Variants in MSH3 observed in about 807,000 individuals in gnomAD.
The protein encoded by MSH3 is mutS homolog 3.
In MSH3, 106 loss-of-function variants were observed where a neutral mutation model predicts 123.3. That is an observed-to-expected ratio of 0.86 (90% CI 0.73 to 1.01). The LOEUF (loss-of-function observed/expected upper bound fraction) is 1.01. MSH3 is among the 50% of genes least tolerant of loss of function. The probability of loss-of-function intolerance (pLI) is 0.00; values close to 1 mark genes in which losing one functional copy is unlikely to be tolerated. For synonymous variants in MSH3, 515 were observed against 481.4 expected (o/e 1.07, Z -0.91); for missense variants, 1,459 against 1,347.6 (o/e 1.08, Z -1.29).
At chr5:80,769,403 G>A (rs1744178199) in intron 15 of MSH3, among the ~76,000 whole-genome samples, 1 of 151,780 alleles carries the variant, frequency 6.6e-6, no homozygotes. Flanking sequence ...TAAACGGTGG[G>A]GCTTCCTCCT....
chr5:80,858,092 T>A (rs550453696), intron 21 of MSH3, among the ~76,000 whole-genome samples: 5 of 152,196 alleles, frequency 3.3e-5, no homozygotes, highest in Non-Finnish European at 7.3e-5. Context: ...TTACCCAGGC[T>A]GGACTGCAGT....
At chr5:80,864,097 T>A (rs929255506) in intron 21 of MSH3, among the ~76,000 whole-genome samples, 11 of 152,112 alleles carry the variant, frequency 7.2e-5, no homozygotes, top group Non-Finnish European at 1.5e-4. Flanking sequence ...TGTCTCATAA[T>A]GTTGTGCCGG....
chr5:80,767,040 T>C (rs1744135419), intron 13 of MSH3, among the ~76,000 whole-genome samples: 1 of 152,202 alleles, frequency 6.6e-6, no homozygotes, highest in African/African-American at 2.4e-5. Flanking sequence ...GTTGAAATTA[T>C]GGAGTTCTAT....
At chr5:80,672,897 C>G (rs757003720) in intron 6 of MSH3, 39 bp downstream of exon 6, 26 of 1,453,776 alleles carry the variant, frequency 1.8e-5, no homozygotes, top group Non-Finnish European at 2.4e-5. Context: ...TTAAATGATA[C>G]AAGGGCTTTG....
chr5:80,740,109 G>A (rs1458853844), intron 10 of MSH3, among the ~76,000 whole-genome samples: 1 of 149,930 alleles, frequency 6.7e-6, no homozygotes, highest in African/African-American at 2.5e-5. Flanking sequence ...GCTGATAAAG[G>A]ATATTGAATT....
chr5:80,776,694 T>C (rs2112890885), intron 16 of MSH3, among the ~76,000 whole-genome samples: 1 of 152,012 alleles, frequency 6.6e-6, no homozygotes, highest in East Asian at 1.9e-4. Context: ...TAGTATCTTT[T>C]GTGGAATATT....
chr5:80,662,840 A>AATTT lies in MSH3; in HGVS notation c.359-2303_359-2302insATTT, dbSNP rs34563417. On this transcript the variant is annotated intron_variant, in intron 2 of 23. Transcript: ENST00000265081. ...AGACTCTGTCTCAAAAAAAAAAAAA[A>AATTT]TTTTATTTGGGAAGCAAGAATTGCA... Among the ~76,000 whole-genome samples, 1,069 of 149,538 alleles carry AATTT rather than the reference A, an allele frequency of 7.1e-3. 9 individuals are homozygous for AATTT. Among genetic ancestry groups the AATTT allele is most frequent in the African/African-American group, 0.016 (664 of 40,274 alleles).
chr5:80,684,604 T>C (rs77053153), intron 8 of MSH3, among the ~76,000 whole-genome samples: 11,538 of 152,224 alleles, frequency 0.076, 848 homozygotes, highest in East Asian at 0.33. Context: ...AAATGTAAGT[T>C]CATCTCATCT....
At chr5:80,790,873 A>G (rs1009237021) in intron 18 of MSH3, among the ~76,000 whole-genome samples, 2 of 152,226 alleles carry the variant, frequency 1.3e-5, no homozygotes, top group African/African-American at 4.8e-5. Flanking sequence ...CTGCATATTC[A>G]TGGTGATGGT....
chr5:80,791,347 A>G (rs1199989606), intron 18 of MSH3, among the ~76,000 whole-genome samples: 2 of 152,224 alleles, frequency 1.3e-5, no homozygotes, highest in African/African-American at 4.8e-5. Flanking sequence ...TTCTTCAAGT[A>G]TTTGCATTTT....
At chr5:80,750,934 G>A (rs1743823474) in intron 12 of MSH3, among the ~76,000 whole-genome samples, 1 of 152,066 alleles carries the variant, frequency 6.6e-6, no homozygotes, top group African/African-American at 2.4e-5. Flanking sequence ...AATATCTTCG[G>A]AGAGGTTTTA....
intron 19 of MSH3, among the ~76,000 whole-genome samples, chr5:80,806,179 A>G (rs1039061411): frequency 6.6e-6 from 1 of 151,980 alleles, no homozygotes; most frequent in African/African-American, 2.4e-5. Flanking sequence ...GCTCACAGCA[A>G]CCTCCGCCTC....
intron 15 of MSH3, among the ~76,000 whole-genome samples, chr5:80,770,384 A>G (rs1580036621): frequency 6.6e-6 from 1 of 152,220 alleles, no homozygotes; most frequent in East Asian, 1.9e-4. Context: ...ATGGAGACCA[A>G]TTAAGTTAAA....
chr5:80,870,331 TAG>T (rs1310402877), intron 22 of MSH3, among the ~76,000 whole-genome samples: 1 of 152,166 alleles, frequency 6.6e-6, no homozygotes, highest in Non-Finnish European at 1.5e-5. Flanking sequence ...GCATGGGATC[TAG>T]ATTATATTGG....
At chr5:80,872,082 G>A (rs1251767014) in intron 22 of MSH3, among the ~76,000 whole-genome samples, 2 of 152,178 alleles carry the variant, frequency 1.3e-5, no homozygotes, top group African/African-American at 2.4e-5. Flanking sequence ...GGTATGTATA[G>A]CTCTTAGTTA....
intron 13 of MSH3, among the ~76,000 whole-genome samples, chr5:80,767,430 C>T (rs1000890859): frequency 2.6e-5 from 4 of 152,046 alleles, no homozygotes. Flanking sequence ...AAATGCTATC[C>T]TATATTTCTA....
intron 19 of MSH3, among the ~76,000 whole-genome samples, chr5:80,810,172 C>CATACATATATATATATATATATATAT (rs375421949): frequency 3.3e-5 from 4 of 121,590 alleles, no homozygotes; most frequent in South Asian, 3.0e-4. Context: ...GTTTGACATA[C>CATACATATATATATATATATATATAT]ATATATATAT....
intron 20 of MSH3, among the ~76,000 whole-genome samples, chr5:80,814,237 A>G (rs1745061550): frequency 6.6e-6 from 1 of 151,892 alleles, no homozygotes; most frequent in Admixed American, 6.6e-5. Context: ...ATAGCTTCCA[A>G]ATTATTTTTA....
At chr5:80,745,095 A>G (rs1743691003) in intron 12 of MSH3, among the ~76,000 whole-genome samples, 1 of 152,220 alleles carries the variant, frequency 6.6e-6, no homozygotes, top group Admixed American at 6.5e-5. Context: ...AATGCTTAGA[A>G]GAGTAGAGTG....
Sources: allele counts gnomAD v4.1 joint callset (sites outside exome capture counted in the v4.1 genomes callset), GRCh38; gene constraint gnomAD v4.1.1; transcripts MANE v1.5; gene names NCBI Gene and HGNC (gene_info 2026-07-23, HGNC 2026-07-21).